RYR3: variants seen among roughly 807,000 people sequenced by gnomAD.
RYR3 encodes ryanodine receptor 3, also known as brain ryanodine receptor-calcium release channel.
Under a neutral mutation model 584.3 loss-of-function variants are expected in RYR3, and 207 were observed. The ratio of observed to expected loss-of-function variants is 0.35; its 90% confidence interval spans 0.32 to 0.40. RYR3 has a LOEUF of 0.40. Ranked by LOEUF, RYR3 falls within the 10% of genes least tolerant of loss-of-function variation. The probability of loss-of-function intolerance (pLI) is 1.00; values close to 1 mark genes in which losing one functional copy is unlikely to be tolerated. For missense variants in RYR3, 5,616 were observed against 6,089.2 expected, an observed-to-expected ratio of 0.92 and a Z score of 2.59; for synonymous variants, 2,416 against 2,248.5, an observed-to-expected ratio of 1.07 and a Z score of -2.11.
chr15:33,855,410 G>T (rs950796675), intron 98 of RYR3, among the ~76,000 whole-genome samples: 1 of 152,190 alleles, frequency 6.6e-6, no homozygotes, highest in Admixed American at 6.5e-5. Flanking sequence ...CACCATGTTG[G>T]CCAGGCTGGT....
At chr15:33,483,916 G>T (rs1373760815) in intron 2 of RYR3, among the ~76,000 whole-genome samples, 1 of 152,114 alleles carries the variant, frequency 6.6e-6, no homozygotes. Context: ...CTATGAACAG[G>T]AGAGTACCCT....
intron 12 of RYR3, among the ~76,000 whole-genome samples, chr15:33,570,165 G>A (rs778983934): frequency 2.0e-5 from 3 of 151,980 alleles, no homozygotes; most frequent in Non-Finnish European, 2.9e-5. Context: ...AAATCATCAT[G>A]ATTTTCTCCT....
In RYR3 at chr15:33,805,873, C is replaced by T. The variant is rs377512857; in HGVS notation, c.10012-1682C>T. Among the ~76,000 whole-genome samples the T allele has an allele frequency of 3.0e-4, 46 of 152,162 alleles. No individual in the cohort carries two copies. In the South Asian group the frequency reaches 8.3e-3, roughly 27 times the overall value. ...TCTCTCTCTCTCATAAATGTGCACA[C>T]GGGAACGCACACTCATCCTCTTCTT... is the stretch of plus-strand genomic sequence containing the variant. On this transcript the variant is annotated intron_variant, in intron 69 of 103. Coordinates refer to ENST00000634891, the MANE Select transcript of RYR3 (RefSeq NM_001036.6).
chr15:33,693,847 A>C (rs1005098752), intron 38 of RYR3, among the ~76,000 whole-genome samples: 4 of 152,210 alleles, frequency 2.6e-5, no homozygotes, highest in Non-Finnish European at 4.4e-5. Flanking sequence ...TTTCTCCATC[A>C]AGGATGTTAG....
chr15:33,503,839 T>A, intron 3 of RYR3, 101 bp downstream of exon 3: 2 of 705,334 alleles, frequency 2.8e-6, no homozygotes, highest in Non-Finnish European at 5.0e-6. Flanking sequence ...ATTTTAAGAC[T>A]GTTGAGATGA....
intron 36 of RYR3, among the ~76,000 whole-genome samples, 161 bp downstream of exon 36, chr15:33,663,898 T>C (rs943399042): frequency 4.6e-5 from 7 of 152,186 alleles, no homozygotes; most frequent in African/African-American, 1.7e-4. Flanking sequence ...TCCTGAAAGC[T>C]AAGGAATATG....
At chr15:33,810,178 T>C (rs1042877660) in intron 70 of RYR3, among the ~76,000 whole-genome samples, 1 of 152,226 alleles carries the variant, frequency 6.6e-6, no homozygotes, top group Non-Finnish European at 1.5e-5. Flanking sequence ...TCATTCTTTT[T>C]GTAGAACACC....
chr15:33,552,908 C>T (rs915904062), intron 10 of RYR3, among the ~76,000 whole-genome samples: 3 of 152,174 alleles, frequency 2.0e-5, no homozygotes, highest in African/African-American at 7.2e-5. Context: ...TGTGCTTCCC[C>T]TCCCTGGGCG....
intron 52 of RYR3, among the ~76,000 whole-genome samples, chr15:33,742,797 G>A (rs1275705375): frequency 7.7e-6 from 1 of 130,074 alleles, no homozygotes; most frequent in Non-Finnish European, 1.7e-5. Flanking sequence ...GTCTTTGAAT[G>A]CAGATTGGAA....
chr15:33,688,202 C>G (rs1388748480), intron 38 of RYR3, among the ~76,000 whole-genome samples: 1 of 112,438 alleles, frequency 8.9e-6, no homozygotes, highest in East Asian at 2.6e-4. Context: ...ACAAAGAACT[C>G]AAACAGATTT....
chr15:33,396,298 G>A (rs2042292289), intron 1 of RYR3, among the ~76,000 whole-genome samples: 1 of 152,172 alleles, frequency 6.6e-6, no homozygotes, highest in South Asian at 2.1e-4. Context: ...GTCTGTGTGA[G>A]TGAAGTGAAG....
At chr15:33,648,689 C>T (rs2062251726) in intron 30 of RYR3, among the ~76,000 whole-genome samples, 1 of 152,244 alleles carries the variant, frequency 6.6e-6, no homozygotes, top group East Asian at 1.9e-4. Flanking sequence ...TGTGCCCGCT[C>T]TCTCCTGCAG....
intron 46 of RYR3, 129 bp from the exon 47 acceptor site, chr15:33,728,728 C>T (rs2068675849): frequency 1.2e-6 from 1 of 822,820 alleles, no homozygotes; most frequent in African/African-American, 1.8e-5. Context: ...TTGAGATGCT[C>T]AATCTGTATT....
chr15:33,635,753 G>A lies in RYR3; in HGVS notation c.3315G>A (p.Arg1105=). 6.2e-7 allele frequency: 1 copy of A among 1,613,842 alleles called. No homozygotes were observed. The highest frequency in any genetic ancestry group is 8.5e-7 in the Non-Finnish European group (1 of 1,179,856). ...GAGACATGCGAGTCGGCTGGGCGAG[G>A]CCAGGCTGTCGACCTGATGTCGAGC... The part of the protein sequence containing the change: ...TGGDMRVGWA[R]PGCRPDVELG... Residue 1105 remains arginine, a synonymous_variant, in exon 26 of 104, where the codon AGG becomes AGA. Coordinates refer to ENST00000634891, the MANE Select transcript of RYR3 (RefSeq NM_001036.6).
intron 1 of RYR3, among the ~76,000 whole-genome samples, chr15:33,348,023 A>G (rs1972696215): frequency 6.6e-6 from 1 of 152,142 alleles, no homozygotes; most frequent in Non-Finnish European, 1.5e-5. Context: ...ATATACATAC[A>G]TCTATAAACA....
At position 33,738,442 on chromosome 15, in the gene RYR3, C is replaced by T. The variant is rs74005978; in HGVS notation, c.7516-8C>T. 2,696 of 1,610,476 alleles carry T rather than the reference C, an allele frequency of 1.7e-3. 45 individuals carry two copies. In the African/African-American group the frequency reaches 0.032, roughly 19 times the overall value. The stretch of plus-strand genomic sequence containing the variant: ...CCCCGCTGGTCTGTCCTGTTCTGCA[C>T]CTCCCAGCTTCTGACGAATCACTAT... On this transcript the variant is annotated splice_polypyrimidine_tract_variant and splice_region_variant and intron_variant, in intron 49 of 103. Transcript: ENST00000634891.
At chr15:33,660,672 G>A (rs16957272) in intron 34 of RYR3, among the ~76,000 whole-genome samples, 6,123 of 152,258 alleles carry the variant, frequency 0.04, 403 homozygotes, top group African/African-American at 0.14. Context: ...AAGGAACAGT[G>A]CCATGCCTTA....
intron 1 of RYR3, among the ~76,000 whole-genome samples, chr15:33,432,886 A>G (rs1294319931): frequency 6.6e-6 from 1 of 152,140 alleles, no homozygotes; most frequent in Non-Finnish European, 1.5e-5. Flanking sequence ...TCTGGCTTAT[A>G]TGAAGTCAGG....
Position 33,455,011 on chromosome 15 carries a change from A to G in RYR3, c.52-18408A>G, listed in dbSNP as rs530412945. Among the ~76,000 whole-genome samples, 4 of 152,314 alleles carry G rather than the reference A, an allele frequency of 2.6e-5. No individual in the cohort carries two copies. In the South Asian group the frequency reaches 6.2e-4, roughly 24 times the overall value. ...TCACTGTGTCTGGAGCAGAGAAGAG[A>G]GAAACAAGGCTGGGCTCAGTAAGGA... On this transcript the variant is annotated intron_variant, in intron 1 of 103. Coordinates refer to ENST00000634891, the MANE Select transcript of RYR3 (RefSeq NM_001036.6).
Sources: gnomAD v4.1 joint callset for allele counts (sites outside exome capture counted in the v4.1 genomes callset) on GRCh38, gnomAD v4.1.1 for gene constraint, MANE v1.5 for transcripts, NCBI Gene and HGNC (gene_info 2026-07-23, HGNC 2026-07-21) for gene names.